SPATA13: variants seen among roughly 807,000 people sequenced by gnomAD.
The protein encoded by SPATA13 is spermatogenesis associated 13.
SPATA13 carries 50 observed loss-of-function variants against 104.0 expected under a neutral mutation model. The ratio of observed to expected loss-of-function variants is 0.48; its 90% CI spans 0.38 to 0.61. The LOEUF is 0.61. Ranked by LOEUF, SPATA13 falls within the 20% of genes least tolerant of loss-of-function variation. The pLI is 0.00. For synonymous variants in SPATA13, 606 were observed against 667.5 expected (o/e 0.91, Z 1.42); for missense variants, 1,524 against 1,690.6 (o/e 0.90, Z 1.73).
chr13:24,185,796 C>T (rs557755373), intron 1 of SPATA13, among the ~76,000 whole-genome samples: 2 of 141,758 alleles, frequency 1.4e-5, no homozygotes, highest in African/African-American at 2.5e-5. Context: ...TGTGTGTGTG[C>T]GCACACACAT....
intron 2 of SPATA13, among the ~76,000 whole-genome samples, chr13:24,003,870 C>A (rs1876093455): frequency 6.6e-6 from 1 of 152,170 alleles, no homozygotes; most frequent in South Asian, 2.1e-4. Flanking sequence ...ACACAATATA[C>A]ATCAGCAAAT....
chr13:24,259,042 C>A (rs1392935826), intron 4 of SPATA13, among the ~76,000 whole-genome samples: 2 of 152,218 alleles, frequency 1.3e-5, no homozygotes, highest in South Asian at 2.1e-4. Flanking sequence ...AATCTGCAGG[C>A]TGCCCGTGAG....
chr13:24,082,083 T>C (rs926211745), intron 3 of SPATA13, among the ~76,000 whole-genome samples: 1 of 152,254 alleles, frequency 6.6e-6, no homozygotes, highest in African/African-American at 2.4e-5. Context: ...CCTGGAATCA[T>C]AGCAAGGATG....
chr13:24,132,345 C>A (rs1216700102), intron 3 of SPATA13, among the ~76,000 whole-genome samples: 2 of 152,218 alleles, frequency 1.3e-5, no homozygotes, highest in Non-Finnish European at 2.9e-5. Context: ...GCTTCAGTTT[C>A]ATAGGGCCAT....
At chr13:24,033,933 C>G (rs1402851778) in intron 3 of SPATA13, 1 of 152,180 alleles carries the variant, frequency 6.6e-6, no homozygotes, top group African/African-American at 2.4e-5. Flanking sequence ...AAGAAGAAGG[C>G]AATGGTGTTT....
intron 3 of SPATA13, among the ~76,000 whole-genome samples, chr13:24,113,464 C>A (rs545996631): frequency 6.6e-6 from 1 of 151,672 alleles, no homozygotes; most frequent in South Asian, 2.1e-4. Context: ...ATTAGCCAAG[C>A]GTGGTGGCAT....
intron 3 of SPATA13, among the ~76,000 whole-genome samples, chr13:24,150,541 A>G (rs1882068235): frequency 6.6e-6 from 1 of 152,172 alleles, no homozygotes; most frequent in Non-Finnish European, 1.5e-5. Flanking sequence ...AGAGAGATAA[A>G]TATTGATTGA....
At chr13:24,140,504 A>G (rs1426893830) in intron 3 of SPATA13, among the ~76,000 whole-genome samples, 2 of 152,214 alleles carry the variant, frequency 1.3e-5, no homozygotes. Context: ...AACCCCAAAC[A>G]CAAGGGTCAC....
intron 3 of SPATA13, among the ~76,000 whole-genome samples, chr13:24,046,041 A>T (rs9580844): frequency 0.48 from 72,591 of 152,084 alleles, 18,052 homozygotes; most frequent in African/African-American, 0.61. Context: ...AAAGCATTGC[A>T]TGTTCTGTTT....
At chr13:24,269,080 C>A (rs1487476106) in intron 4 of SPATA13, among the ~76,000 whole-genome samples, 1 of 152,090 alleles carries the variant, frequency 6.6e-6, no homozygotes, top group Non-Finnish European at 1.5e-5. Context: ...TTTTTTGGAG[C>A]GACAGCAGCA....
intron 3 of SPATA13, among the ~76,000 whole-genome samples, chr13:24,073,933 C>T (rs1359991032): frequency 7.9e-5 from 12 of 152,194 alleles, no homozygotes; most frequent in Admixed American, 7.2e-4. Context: ...GCCTTGCACA[C>T]CACAATAAAC....
intron 3 of SPATA13, among the ~76,000 whole-genome samples, chr13:24,154,396 A>T (rs1395958862): frequency 6.6e-6 from 1 of 152,240 alleles, no homozygotes; most frequent in Non-Finnish European, 1.5e-5. Context: ...TGAATCTCAG[A>T]CATACTGTTA....
chr13:24,277,854 C>T (rs909422374), intron 4 of SPATA13, among the ~76,000 whole-genome samples: 4 of 152,108 alleles, frequency 2.6e-5, no homozygotes, highest in Non-Finnish European at 4.4e-5. Context: ...CAGGCCTGGA[C>T]GAAGCATCAA....
At chr13:24,148,515 T>C (rs1882004460) in intron 3 of SPATA13, among the ~76,000 whole-genome samples, 1 of 152,142 alleles carries the variant, frequency 6.6e-6, no homozygotes, top group Non-Finnish European at 1.5e-5. Flanking sequence ...TAACACTGCC[T>C]CCCAGGGTAC....
chr13:24,008,891 G>A (rs1442967671), intron 2 of SPATA13, among the ~76,000 whole-genome samples: 2 of 152,212 alleles, frequency 1.3e-5, no homozygotes, highest in Non-Finnish European at 2.9e-5. Flanking sequence ...CAGCCAAGGA[G>A]GAGGGAAGAG....
At chr13:24,277,995 G>A (rs1365576673) in intron 4 of SPATA13, among the ~76,000 whole-genome samples, 1 of 152,176 alleles carries the variant, frequency 6.6e-6, no homozygotes, top group Non-Finnish European at 1.5e-5. Context: ...CGTGAAAGTA[G>A]TTAGGGTGGT....
At chr13:24,212,602 T>C (rs1349250226) in intron 1 of SPATA13, among the ~76,000 whole-genome samples, 3 of 151,552 alleles carry the variant, frequency 2.0e-5, no homozygotes, top group Non-Finnish European at 2.9e-5. Flanking sequence ...GGAAAAGAAA[T>C]GAACCAGCAG....
chr13:24,278,894 TTCC>T, intron 4 of SPATA13: 2 of 1,111,126 alleles, frequency 1.8e-6, no homozygotes, highest in East Asian at 6.1e-5. Flanking sequence ...CCTTCCTTCC[TTCC>T]TTCCTTCCTT....
intron 1 of SPATA13, among the ~76,000 whole-genome samples, chr13:23,980,310 AG>A: frequency 6.6e-6 from 1 of 152,002 alleles, no homozygotes; most frequent in East Asian, 1.9e-4. Context: ...GCAGCGGGGG[AG>A]GGGCCGAGCC....
Sources: gnomAD v4.1 joint callset for allele counts (sites outside exome capture counted in the v4.1 genomes callset) on GRCh38, gnomAD v4.1.1 for gene constraint, MANE v1.5 for transcripts, NCBI Gene and HGNC (gene_info 2026-07-23, HGNC 2026-07-21) for gene names.